The following KMT2C variants were observed in gnomAD, a reference collection of about 807,000 sequenced individuals.
KMT2C encodes the protein histone-lysine N-methyltransferase 2C.
KMT2C carries 88 observed loss-of-function variants against 507.9 expected under a neutral mutation model. The observed-to-expected ratio is 0.17, with a 90% CI of 0.15 to 0.21. The LOEUF is 0.21. Ranked by LOEUF, KMT2C falls within the 10% of genes least tolerant of loss-of-function variation. KMT2C has a pLI of 1.00. For synonymous variants in KMT2C, 2,049 were observed against 2,080.8 expected (o/e 0.98, Z 0.42); for missense variants, 4,954 against 5,957.8 (o/e 0.83, Z 5.55).
chr7:152,276,905 TATA>T (rs1336329847), intron 6 of KMT2C, among the ~76,000 whole-genome samples: 1 of 152,282 alleles, frequency 6.6e-6, no homozygotes, highest in Non-Finnish European at 1.5e-5. Flanking sequence ...AGTAACATGT[TATA>T]ATAATATTTT....
chr7:152,209,367 G>A (rs368218403), intron 23 of KMT2C, among the ~76,000 whole-genome samples: 5 of 150,382 alleles, frequency 3.3e-5, no homozygotes, highest in African/African-American at 9.9e-5. Flanking sequence ...TGAGGCAGGA[G>A]CATGGCGTGA....
At chr7:152,413,190 C>CT (rs2097699845) in intron 1 of KMT2C, among the ~76,000 whole-genome samples, 1 of 152,180 alleles carries the variant, frequency 6.6e-6, no homozygotes, top group Non-Finnish European at 1.5e-5. Flanking sequence ...TTTTACCTCA[C>CT]TGCAGCCTCG....
intron 5 of KMT2C, 21 bp downstream of exon 5, chr7:152,311,777 T>G (rs1449545046): frequency 6.5e-7 from 1 of 1,541,956 alleles, no homozygotes; most frequent in Admixed American, 1.8e-5. Context: ...GAGGCAGTCA[T>G]TATTGAAAAC....
chr7:152,222,245 C>A (rs1190678115), intron 21 of KMT2C, among the ~76,000 whole-genome samples, 179 bp from the exon 22 acceptor site: 2 of 152,130 alleles, frequency 1.3e-5, no homozygotes. Flanking sequence ...GAAGGAAATA[C>A]TCAAGTCATG....
chr7:152,224,464 T>C lies in KMT2C; in HGVS notation c.3129A>G (p.Thr1043=). Residue 1043 remains threonine (T), a synonymous_variant, in exon 19 of 59, where the codon ACA becomes ACG. Transcript: ENST00000262189. ...TGCACTTCCAGCCTCCTTTGGGAAC[T>C]GTCTGCAATGGAGGGTCTAGGCAGT... ...HTYCLDPPLQ[T]VPKGGWKCKW... The C allele has an allele frequency of 6.2e-7, 1 of 1,611,842 alleles. No homozygotes were observed. Among genetic ancestry groups the C allele is most frequent in the South Asian group, 1.1e-5 (1 of 90,996 alleles).
At chr7:152,435,204 G>A (rs992982795) in intron 1 of KMT2C, among the ~76,000 whole-genome samples, 1 of 151,962 alleles carries the variant, frequency 6.6e-6, no homozygotes, top group South Asian at 2.1e-4. Context: ...TGACAGCTCC[G>A]AGAGTTTCCC....
At chr7:152,367,267 A>G in intron 1 of KMT2C, 1 of 1,319,388 alleles carries the variant, frequency 7.6e-7, no homozygotes, top group Non-Finnish European at 1.1e-6. Flanking sequence ...AGGAACCAAC[A>G]TTCAAAGCAG....
intron 3 of KMT2C, among the ~76,000 whole-genome samples, chr7:152,327,909 GA>G (rs1292064806): frequency 7.0e-6 from 1 of 142,198 alleles, no homozygotes; most frequent in Non-Finnish European, 1.5e-5. Flanking sequence ...AGTGAGCCAA[GA>G]TCGCGCCACT....
chr7:152,257,160 T>G (rs1191669136), intron 9 of KMT2C, among the ~76,000 whole-genome samples: 1 of 152,038 alleles, frequency 6.6e-6, no homozygotes, highest in Non-Finnish European at 1.5e-5. Context: ...CACAATGGAG[T>G]GCTATGCAGC....
intron 1 of KMT2C, among the ~76,000 whole-genome samples, chr7:152,371,794 A>G (rs1459972014): frequency 6.6e-6 from 1 of 151,954 alleles, no homozygotes; most frequent in East Asian, 1.9e-4. Context: ...TTGTATTTTT[A>G]GTAGACATGG....
chr7:152,432,481 A>G (rs1337662526), intron 1 of KMT2C, among the ~76,000 whole-genome samples: 2 of 152,256 alleles, frequency 1.3e-5, no homozygotes, highest in Non-Finnish European at 1.5e-5. Flanking sequence ...AAATTATCAA[A>G]TAATTTGATA....
chr7:152,331,071 G>A (rs927939282), intron 2 of KMT2C, among the ~76,000 whole-genome samples: 2 of 152,150 alleles, frequency 1.3e-5, no homozygotes, highest in South Asian at 2.1e-4. Context: ...ACTTTGAGAG[G>A]CCAAGGCAAG....
At chr7:152,338,232 AAAG>A (rs1348838800) in intron 2 of KMT2C, among the ~76,000 whole-genome samples, 2 of 152,210 alleles carry the variant, frequency 1.3e-5, no homozygotes, top group South Asian at 2.1e-4. Context: ...TAATGAGAAT[AAAG>A]AAGACATTTA....
chr7:152,219,819 T>C (rs1191386859), intron 23 of KMT2C, among the ~76,000 whole-genome samples: 1 of 152,026 alleles, frequency 6.6e-6, no homozygotes, highest in East Asian at 1.9e-4. Context: ...CTGGGCAACA[T>C]GGCAAAACCC....
At chr7:152,319,310 C>T (rs2096750141) in intron 3 of KMT2C, among the ~76,000 whole-genome samples, 1 of 151,874 alleles carries the variant, frequency 6.6e-6, no homozygotes, top group Non-Finnish European at 1.5e-5. Flanking sequence ...CTCTTTATTC[C>T]AATATTATAA....
In KMT2C at chr7:152,222,594, G is replaced by T. The variant is rs552949813; in HGVS notation, c.3412C>A (p.Pro1138Thr). ...TTACCATTAGACGCAGGCATATAGGGTCTGCACATGCTACAATCAAAACCA... is the reference window on the plus strand; with the variant it reads ...TTACCATTAGACGCAGGCATATAGGTTCTGCACATGCTACAATCAAAACCA... ...DIGFDCSMCR[P>T]YMPASNVPSS... is the part of the protein sequence containing the mutation. The change falls in exon 21 of 59, where the codon CCC (proline) becomes ACC (threonine). Residue 1138 changes from proline to threonine, a missense_variant. Coordinates refer to ENST00000262189, the MANE Select transcript of KMT2C (RefSeq NM_170606.3). 3 of 1,600,240 alleles carry T rather than the reference G, an allele frequency of 1.9e-6. No homozygotes were observed. The highest frequency in any genetic ancestry group is 1.7e-5 in the Admixed American group (1 of 59,972).
intron 26 of KMT2C, among the ~76,000 whole-genome samples, chr7:152,201,940 G>A (rs2094157142): frequency 6.6e-6 from 1 of 152,112 alleles, no homozygotes; most frequent in Non-Finnish European, 1.5e-5. Context: ...GACTTTATAG[G>A]CTGAGCTCTA....
At chr7:152,400,473 T>C (rs1447270058) in intron 1 of KMT2C, among the ~76,000 whole-genome samples, 1 of 152,146 alleles carries the variant, frequency 6.6e-6, no homozygotes, top group Non-Finnish European at 1.5e-5. Context: ...AAGGGATGGA[T>C]GAAAATATGA....
chr7:152,398,013 A>T (rs2097547417), intron 1 of KMT2C, among the ~76,000 whole-genome samples: 2 of 151,992 alleles, frequency 1.3e-5, no homozygotes, highest in African/African-American at 4.8e-5. Context: ...AAATGCCTCC[A>T]CATCATTCAC....
Sources: gnomAD v4.1 joint callset for allele counts (sites outside exome capture counted in the v4.1 genomes callset) on GRCh38, gnomAD v4.1.1 for gene constraint, MANE v1.5 for transcripts, NCBI Gene and HGNC (gene_info 2026-07-23, HGNC 2026-07-21) for gene names.